Variants in DOK6 observed in about 807,000 individuals in gnomAD.
DOK6 encodes downstream of tyrosine kinase 6.
In DOK6, 22 loss-of-function variants were observed where a neutral mutation model predicts 44.0. The ratio of observed to expected loss-of-function variants is 0.50; its 90% CI spans 0.36 to 0.71. The LOEUF is 0.71. DOK6 is among the 30% of genes least tolerant of loss of function. The pLI is 0.00. For missense variants in DOK6, 340 were observed against 416.4 expected (o/e 0.82, Z 1.60); for synonymous variants, 166 against 145.5 (o/e 1.14, Z -1.01).
chr18:69,596,436 G>A (rs1983742042), intron 2 of DOK6, among the ~76,000 whole-genome samples: 1 of 152,082 alleles, frequency 6.6e-6, no homozygotes, highest in Admixed American at 6.5e-5. Context: ...GAATGTCATA[G>A]TAAAAATACT....
intron 1 of DOK6, among the ~76,000 whole-genome samples, chr18:69,478,521 A>G (rs1017474642): frequency 2.6e-5 from 4 of 152,154 alleles, no homozygotes; most frequent in African/African-American, 9.7e-5. Context: ...TTAATGTTCT[A>G]GTTTCCTAAC....
chr18:69,800,092 TA>T (rs35874900), intron 7 of DOK6, among the ~76,000 whole-genome samples: 118,853 of 151,284 alleles, frequency 0.79, 49,115 homozygotes, highest in East Asian at 0.98. Context: ...TACGTTCTAT[TA>T]AAAAAAAACA....
intron 3 of DOK6, among the ~76,000 whole-genome samples, chr18:69,614,058 C>T (rs1009008340): frequency 6.6e-6 from 1 of 151,710 alleles, no homozygotes; most frequent in Non-Finnish European, 1.5e-5. Context: ...CAGCTTATCA[C>T]ATTGCAGTTT....
intron 2 of DOK6, among the ~76,000 whole-genome samples, chr18:69,584,179 G>GT (rs1364114879): frequency 6.6e-6 from 1 of 151,312 alleles, no homozygotes; most frequent in Non-Finnish European, 1.5e-5. Flanking sequence ...TGTTAAAACA[G>GT]TATCAAACGA....
At chr18:69,639,596 G>A (rs143410894) in intron 3 of DOK6, among the ~76,000 whole-genome samples, 48 of 152,232 alleles carry the variant, frequency 3.2e-4, no homozygotes, top group African/African-American at 1.1e-3. Flanking sequence ...CCTCTTGTAA[G>A]GTGTTACAGG....
intron 2 of DOK6, among the ~76,000 whole-genome samples, chr18:69,579,745 T>G (rs1983321323): frequency 6.6e-6 from 1 of 152,004 alleles, no homozygotes; most frequent in Admixed American, 6.6e-5. Context: ...TGTATATTTT[T>G]GTTTGTTTGT....
At chr18:69,705,866 T>TA (rs767536160) in intron 5 of DOK6, among the ~76,000 whole-genome samples, 22 of 149,984 alleles carry the variant, frequency 1.5e-4, no homozygotes, top group Admixed American at 6.7e-5. Flanking sequence ...GTTGGAGGAA[T>TA]AAAATTAAAA....
intron 1 of DOK6, among the ~76,000 whole-genome samples, chr18:69,534,384 A>G (rs1161000384): frequency 6.6e-6 from 1 of 152,184 alleles, no homozygotes; most frequent in African/African-American, 2.4e-5. Context: ...CATTTGCTAC[A>G]TGGGTGTCTT....
intron 3 of DOK6, among the ~76,000 whole-genome samples, chr18:69,612,468 T>TGTG (rs1351653077): frequency 6.7e-6 from 1 of 149,726 alleles, no homozygotes; most frequent in Admixed American, 6.6e-5. Flanking sequence ...CGTGCATATG[T>TGTG]ATTTCTTGCT....
chr18:69,448,492 C>T (rs1292581898), intron 1 of DOK6, among the ~76,000 whole-genome samples: 1 of 152,142 alleles, frequency 6.6e-6, no homozygotes, highest in African/African-American at 2.4e-5. Context: ...CTGCCTCATC[C>T]TTCTAAGTAG....
intron 7 of DOK6, among the ~76,000 whole-genome samples, chr18:69,788,966 A>G (rs1278955839): frequency 6.6e-6 from 1 of 152,216 alleles, no homozygotes; most frequent in Admixed American, 6.5e-5. Flanking sequence ...AACTCGTCTT[A>G]ACAAGGTTGG....
intron 1 of DOK6, among the ~76,000 whole-genome samples, chr18:69,434,945 AG>A (rs1568256322): frequency 2.1e-5 from 2 of 94,396 alleles, no homozygotes; most frequent in Admixed American, 1.2e-4. Context: ...GGAGGGAGGG[AG>A]GGAGGGAGGG....
Position 69,712,310 on chromosome 18 carries a change from A to T in DOK6, c.599+13717A>T, listed in dbSNP as rs1568341257. Among the ~76,000 whole-genome samples the T allele has an allele frequency of 2.8e-4, 34 of 120,340 alleles. 1 individual carries two copies. The highest frequency in any genetic ancestry group is 4.5e-4 in the African/African-American group (13 of 29,208). 78.9% of individuals were successfully genotyped at this position (120,340 alleles called of 152,430 possible). On this transcript the variant is annotated intron_variant, in intron 5 of 7. Coordinates refer to ENST00000382713, the MANE Select transcript of DOK6 (RefSeq NM_152721.6). ...AAAAAAAAAAAAAAAAAAAAAAAAAAAAAAAAAAAAAAAAAATTTAACCTT... is the reference window on the plus strand; with the variant it reads ...AAAAAAAAAAAAAAAAAAAAAAAAATAAAAAAAAAAAAAAAATTTAACCTT...
chr18:69,655,248 G>T (rs1985330634), intron 3 of DOK6, among the ~76,000 whole-genome samples: 1 of 151,764 alleles, frequency 6.6e-6, no homozygotes, highest in East Asian at 1.9e-4. Context: ...AGTTTTACAA[G>T]AATAGAAAAT....
In DOK6 at chr18:69,424,395, A is replaced by G. The variant is rs149458437; in HGVS notation, c.66+23085A>G. 1.7e-3 allele frequency among the ~76,000 whole-genome samples: 263 copies of G among 152,266 alleles called. 1 individual carries two copies. Among genetic ancestry groups the G allele is most frequent in the African/African-American group, 6.2e-3 (256 of 41,562 alleles). ...CATGTTTTCATATGTTTATTGACCAATAGATTTTCTTAGTTTTGAATTATT... is the reference window on the plus strand; with the variant it reads ...CATGTTTTCATATGTTTATTGACCAGTAGATTTTCTTAGTTTTGAATTATT... On this transcript the variant is annotated intron_variant, in intron 1 of 7. Transcript: ENST00000382713.
rs923712655 is a variant in DOK6 at position 69,728,074 on chromosome 18, G to A, written c.600-10891G>A. 2.6e-5 allele frequency among the ~76,000 whole-genome samples: 4 copies of A among 152,166 alleles called. No homozygotes were observed. The East Asian group carries it at 7.7e-4, about 29-fold the overall frequency. Reference sequence around the variant, plus strand: ...GGGCTTTGCAGGGATGCGCTGTCACGCTCCACTGAAACCCCTGATCCTGAC... The same window carrying A: ...GGGCTTTGCAGGGATGCGCTGTCACACTCCACTGAAACCCCTGATCCTGAC... On this transcript the variant is annotated intron_variant, in intron 5 of 7. Transcript: ENST00000382713.
intron 7 of DOK6, among the ~76,000 whole-genome samples, chr18:69,770,656 A>G (rs1468507557): frequency 1.3e-5 from 2 of 152,082 alleles, no homozygotes; most frequent in East Asian, 3.9e-4. Context: ...CACACCGTAT[A>G]TGTAAATTAA....
At chr18:69,600,597 C>T (rs1983848629) in intron 3 of DOK6, among the ~76,000 whole-genome samples, 1 of 152,086 alleles carries the variant, frequency 6.6e-6, no homozygotes, top group Non-Finnish European at 1.5e-5. Flanking sequence ...TTTCTGCCTT[C>T]CTGTCAGCTG....
chr18:69,423,154 T>G (rs1054159729), intron 1 of DOK6, among the ~76,000 whole-genome samples: 1 of 152,040 alleles, frequency 6.6e-6, no homozygotes, highest in Non-Finnish European at 1.5e-5. Context: ...AATACAAAAA[T>G]TAGCCAGTCA....
Sources: gnomAD v4.1 joint callset for allele counts (sites outside exome capture counted in the v4.1 genomes callset) on GRCh38, gnomAD v4.1.1 for gene constraint, MANE v1.5 for transcripts, NCBI Gene and HGNC (gene_info 2026-07-23, HGNC 2026-07-21) for gene names.